Variants in BRWD3 observed in about 807,000 individuals in gnomAD.
The protein encoded by BRWD3 is bromodomain and WD repeat domain containing 3, also known as bromodomain and WD repeat-containing protein 3.
Under a neutral mutation model 149.7 loss-of-function variants are expected in BRWD3, and 10 were observed. The observed-to-expected ratio is 0.07, with a 90% CI of 0.04 to 0.11. BRWD3 has a LOEUF of 0.11. Among genes scored for constraint, BRWD3 ranks in the 10% least tolerant of loss-of-function variants. BRWD3 has a pLI of 1.00. For synonymous variants in BRWD3, 504 were observed against 456.7 expected (o/e 1.10, Z -1.32); for missense variants, 940 against 1,373.2 (o/e 0.68, Z 4.99).
intron 38 of BRWD3, 75 bp downstream of exon 38, chrX:80,682,390 C>A: frequency 9.0e-7 from 1 of 1,105,295 alleles, no homozygotes; most frequent in South Asian, 1.8e-5. Context: ...CCAAATTATT[C>A]ATAAACTTTC....
chrX:80,688,561 A>G (rs1424281629), intron 33 of BRWD3, among the ~76,000 whole-genome samples: 1 of 111,422 alleles, frequency 9.0e-6, no homozygotes, highest in East Asian at 2.8e-4. Flanking sequence ...GATCTATTTC[A>G]GTTAAGTATC....
chrX:80,703,144 T>C (rs2147713882), intron 24 of BRWD3, among the ~76,000 whole-genome samples: 1 of 111,021 alleles, frequency 9.0e-6, no homozygotes, highest in South Asian at 3.8e-4. Flanking sequence ...TAATAAATAT[T>C]GGAACATGAA....
chrX:80,702,715 G>C (rs1480523235), intron 24 of BRWD3, among the ~76,000 whole-genome samples: 1 of 111,543 alleles, frequency 9.0e-6, no homozygotes, highest in African/African-American at 3.2e-5. Flanking sequence ...CTCTATAACA[G>C]GCAATTACAG....
intron 20 of BRWD3, among the ~76,000 whole-genome samples, chrX:80,712,923 G>A (rs1344303146): frequency 1.9e-5 from 2 of 108,037 alleles, no homozygotes; most frequent in South Asian, 4.3e-4. Context: ...CAGCCGCCCC[G>A]TCTGAGAAGT....
chrX:80,729,655 T>G (rs1027231022), intron 13 of BRWD3, among the ~76,000 whole-genome samples: 4 of 111,316 alleles, frequency 3.6e-5, no homozygotes, highest in Non-Finnish European at 7.6e-5. Flanking sequence ...AGGCAGAGAA[T>G]GGCTCTGTAG....
At chrX:80,688,797 A>G (rs1269741622) in intron 33 of BRWD3, among the ~76,000 whole-genome samples, 3 of 111,274 alleles carry the variant, frequency 2.7e-5, no homozygotes, top group Non-Finnish European at 3.8e-5. Flanking sequence ...ATTTCAAACT[A>G]AAATATATTT....
intron 14 of BRWD3, among the ~76,000 whole-genome samples, chrX:80,725,779 C>T (rs142580083): frequency 1.1e-5 from 1 of 90,107 alleles, no homozygotes; most frequent in Non-Finnish European, 2.4e-5. Flanking sequence ...GTGTTACATG[C>T]CTATATAACG....
chrX:80,772,280 A>G (rs2147829405), intron 6 of BRWD3, among the ~76,000 whole-genome samples: 1 of 111,985 alleles, frequency 8.9e-6, no homozygotes, highest in Non-Finnish European at 1.9e-5. Flanking sequence ...ATAGAATACT[A>G]TGCAGCCATA....
intron 22 of BRWD3, among the ~76,000 whole-genome samples, chrX:80,706,332 C>T (rs956963922): frequency 9.0e-6 from 1 of 111,634 alleles, no homozygotes; most frequent in African/African-American, 3.3e-5. Context: ...TGGTCTCGAA[C>T]TCCTGACCTC....
chrX:80,728,902 A>G lies in BRWD3; in HGVS notation c.1236T>C (p.Asn412=), dbSNP rs2073286687. 1.7e-6 allele frequency: 2 copies of G among 1,205,386 alleles called. No individual in the cohort carries two copies. Among genetic ancestry groups the G allele is most frequent in the South Asian group, 3.5e-5 (2 of 56,670 alleles). Residue 412 remains asparagine, a synonymous_variant, in exon 14 of 41, where the codon AAT becomes AAC. Transcript: ENST00000373275. ...VLDMATKMTG[N]NLPSGEDKIT... ...TCTTGTCTTCTCCAGATGGCAAATT[A>G]TTGCTAAACAAAACAATTTGCAGTA... is the stretch of plus-strand genomic sequence containing the variant.
At chrX:80,681,750 G>C (rs928613143) in intron 39 of BRWD3, among the ~76,000 whole-genome samples, 2 of 111,273 alleles carry the variant, frequency 1.8e-5, no homozygotes, top group Middle Eastern at 4.7e-3. Flanking sequence ...AGATATTATA[G>C]GCATCATTTA....
In BRWD3 at chrX:80,677,220, G is replaced by C. The variant is rs1170132074; in HGVS notation, c.4798C>G (p.His1600Asp). The change falls in exon 41 of 41, where the codon CAT (histidine) becomes GAT (aspartate). Residue 1600 changes from histidine (H) to aspartate (D), a missense_variant. Coordinates refer to ENST00000373275, the MANE Select transcript of BRWD3 (RefSeq NM_153252.5). ...TCTCCACTCTCTGAGGTGGATAAATGAGATTTCTCTTTTGTTTCTTTTTTC... is the reference window on the plus strand; with the variant it reads ...TCTCCACTCTCTGAGGTGGATAAATCAGATTTCTCTTTTGTTTCTTTTTTC... ...KEKKETKEKS[H>D]LSTSESGELG... 8.3e-7 allele frequency: 1 copy of C among 1,208,676 alleles called. No individual in the cohort carries two copies. Among genetic ancestry groups the C allele is most frequent in the Admixed American group, 2.2e-5 (1 of 45,649 alleles).
intron 20 of BRWD3, chrX:80,709,911 C>A: frequency 2.6e-6 from 2 of 763,330 alleles, no homozygotes; most frequent in South Asian, 2.2e-5. Flanking sequence ...TGCAACCAGA[C>A]CTGTGCTGGA....
chrX:80,724,271 A>G (rs2073189141), intron 15 of BRWD3, among the ~76,000 whole-genome samples: 1 of 112,235 alleles, frequency 8.9e-6, no homozygotes, highest in Non-Finnish European at 1.9e-5. Flanking sequence ...AATCAATTTT[A>G]CCAATAAAAG....
chrX:80,735,033 C>T (rs2073383975), intron 10 of BRWD3, 94 bp downstream of exon 10: 1 of 770,555 alleles, frequency 1.3e-6, no homozygotes, highest in Non-Finnish European at 2.0e-6. Context: ...CTTCAATTAA[C>T]ACTCAAATGT....
intron 12 of BRWD3, chrX:80,733,068 T>A (rs2147774318): frequency 8.9e-6 from 1 of 112,384 alleles, no homozygotes; most frequent in South Asian, 3.8e-4. Context: ...AGATGGAGGT[T>A]GCAGTGAGCC....
Position 80,672,195 on chromosome X carries a change from C to A in BRWD3, c.*4414G>T, listed in dbSNP as rs2072328563. On this transcript the variant is annotated 3_prime_UTR_variant, in exon 41 of 41. Coordinates refer to ENST00000373275, the MANE Select transcript of BRWD3 (RefSeq NM_153252.5). ...GGCCTTTCTACTGTACTTCTCCCAT[C>A]AATGAATCAAAAATTGCCAATCTTA... 9.1e-6 allele frequency: 1 copy of A among 109,881 alleles called. No individual in the cohort carries two copies. Among genetic ancestry groups the A allele is most frequent in the African/African-American group, 3.3e-5 (1 of 30,151 alleles). The allele number at this position is 109,881 out of a possible 1,213,427, so 9.1% of individuals were successfully genotyped here.
Position 80,677,200 on chromosome X carries a change from A to G in BRWD3, c.4818T>C (p.Ser1606=). Residue 1606 remains serine, a synonymous_variant, in exon 41 of 41, where the codon AGT becomes AGC. Coordinates refer to ENST00000373275, the MANE Select transcript of BRWD3 (RefSeq NM_153252.5). ...KEKSHLSTSE[S]GELGSSLSSE... ...AACTTAAACTGGATCCTAACTCTCCACTCTCTGAGGTGGATAAATGAGATT... is the reference window on the plus strand; with the variant it reads ...AACTTAAACTGGATCCTAACTCTCCGCTCTCTGAGGTGGATAAATGAGATT... 1 of 1,209,579 alleles carries G rather than the reference A, an allele frequency of 8.3e-7. No homozygotes were observed. Among genetic ancestry groups the G allele is most frequent in the South Asian group, 1.8e-5 (1 of 56,880 alleles).
chrX:80,715,558 A>G (rs187342820), intron 20 of BRWD3, among the ~76,000 whole-genome samples: 1 of 112,064 alleles, frequency 8.9e-6, no homozygotes, highest in East Asian at 2.8e-4. Context: ...TACAGATCAT[A>G]TTTTGCTCCT....
Sources: gnomAD v4.1 joint callset for allele counts (sites outside exome capture counted in the v4.1 genomes callset) on GRCh38, gnomAD v4.1.1 for gene constraint, MANE v1.5 for transcripts, NCBI Gene and HGNC (gene_info 2026-07-23, HGNC 2026-07-21) for gene names.